The following RLF variants were observed in gnomAD, a reference collection of about 807,000 sequenced individuals.
RLF encodes the protein zinc finger protein Rlf.
Under a neutral mutation model 162.9 loss-of-function variants are expected in RLF, and 7 were observed. The ratio of observed to expected loss-of-function variants is 0.04; its 90% CI spans 0.02 to 0.08. The LOEUF (loss-of-function observed/expected upper bound fraction) is 0.08. RLF is among the 10% of genes least tolerant of loss of function. The pLI is 1.00. For synonymous variants in RLF, 782 were observed against 791.5 expected (o/e 0.99, Z 0.20); for missense variants, 1,664 against 2,244.7 (o/e 0.74, Z 5.23).
intron 6 of RLF, among the ~76,000 whole-genome samples, chr1:40,226,042 C>T (rs562490541): frequency 2.0e-4 from 31 of 152,022 alleles, no homozygotes; most frequent in Non-Finnish European, 3.5e-4. Context: ...CACAATGAGA[C>T]CCTGTCTCAA....
intron 1 of RLF, among the ~76,000 whole-genome samples, chr1:40,163,149 AG>A (rs1642119822): frequency 6.6e-6 from 1 of 152,234 alleles, no homozygotes; most frequent in African/African-American, 2.4e-5. Flanking sequence ...TATAAATTGT[AG>A]TATGTGCTTA....
chr1:40,215,479 G>A (rs1642914130), intron 5 of RLF, among the ~76,000 whole-genome samples: 1 of 151,940 alleles, frequency 6.6e-6, no homozygotes, highest in Non-Finnish European at 1.5e-5. Flanking sequence ...ATAGCAGAAG[G>A]AAATTTGGGA....
chr1:40,237,144 C>T lies in RLF; in HGVS notation c.2442C>T (p.Ser814=), dbSNP rs1643226507. ...TTGGCTGTAAAAAGTTCTATTACTC[C>T]AAAATTGAATACCAGAATCACCTCT... ...NFLGCKKFYY[S]KIEYQNHLSM... is the part of the protein sequence containing the mutation. Residue 814 remains serine (S), a synonymous_variant, in exon 8 of 8, where the codon TCC becomes TCT. Coordinates refer to ENST00000372771, the MANE Select transcript of RLF (RefSeq NM_012421.4). The surrounding 1 kb of genome is among the most constrained non-coding windows in gnomAD (Gnocchi z 4.4). 1 of 1,613,834 alleles carries T rather than the reference C, an allele frequency of 6.2e-7. No homozygotes were observed. The highest frequency in any genetic ancestry group is 1.7e-5 in the Admixed American group (1 of 59,990).
At chr1:40,198,965 TAGC>T (rs1642674896) in intron 4 of RLF, among the ~76,000 whole-genome samples, 1 of 152,260 alleles carries the variant, frequency 6.6e-6, no homozygotes, top group African/African-American at 2.4e-5. Flanking sequence ...AAAATTGATT[TAGC>T]AGCAGTTTAA....
rs189730504 is a variant in RLF, at chr1:40,180,524, C to T, written c.238-8531C>T. ...TGATCAACCTGCCTTGGCTTCCCAA[C>T]GTGCTGAGATTACAGGTGTGAGCCA... On this transcript the variant is annotated intron_variant, in intron 1 of 7. Coordinates refer to ENST00000372771, the MANE Select transcript of RLF (RefSeq NM_012421.4). 4.9e-3 allele frequency among the ~76,000 whole-genome samples: 747 copies of T among 152,090 alleles called. 5 individuals carry two copies. Among genetic ancestry groups the T allele is most frequent in the African/African-American group, 0.017 (698 of 41,496 alleles).
rs1285953116 is a variant in RLF at position 40,231,505 on chromosome 1, C to CT, written c.948-5dup. On this transcript the variant is annotated splice_polypyrimidine_tract_variant and intron_variant, in intron 6 of 7. Transcript: ENST00000372771. ...ACTTTAAATGTTTTACCATGATCTT[C>CT]TTTTTTTATAGGGAACTGACTCTTT... 5.6e-6 allele frequency: 9 copies of CT among 1,605,114 alleles called. No homozygotes were observed. The highest frequency in any genetic ancestry group is 2.2e-5 in the East Asian group (1 of 44,818).
At chr1:40,209,896 C>T (rs1012869303) in intron 5 of RLF, among the ~76,000 whole-genome samples, 1 of 147,966 alleles carries the variant, frequency 6.8e-6, no homozygotes, top group African/African-American at 2.5e-5. Context: ...AAAAAAAAGG[C>T]GATCATAAGA....
At position 40,239,923 on chromosome 1, in the gene RLF, A is replaced by G. The variant is rs376514110; in HGVS notation, c.5221A>G (p.Asn1741Asp). 18 of 1,613,514 alleles carry G rather than the reference A, an allele frequency of 1.1e-5. No homozygotes were observed. In the African/African-American group the frequency reaches 2.1e-4, roughly 19 times the overall value. Residue 1741 changes from asparagine to aspartate, a missense_variant, in exon 8 of 8, where the codon AAT (asparagine) becomes GAT (aspartate). Transcript: ENST00000372771. ...TTCAGGGCAAGAAAACACTGTAAAA[A>G]ATCCAACCCATGTCCCAAAAGAGAA... The part of the protein sequence containing the change: ...HSSGQENTVK[N>D]PTHVPKENFR...
At position 40,237,863 on chromosome 1, in the gene RLF, C is replaced by G; in HGVS notation, c.3161C>G (p.Pro1054Arg). ...SESSICASKR[P>R]CTEDTMLELL... ...TCCTCCATTTGTGCTTCTAAAAGGC[C>G]CTGTACAGAGGATACCATGTTGGAA... The change falls in exon 8 of 8, where the codon CCC becomes CGC. Residue 1054 changes from proline (P) to arginine (R), a missense_variant. Pro to Arg is a moderately radical substitution (Grantham distance 103, BLOSUM62 -2). This residue lies in a region of RLF where 295 missense variants were observed against 317.4 expected (regional missense o/e 0.93). Coordinates refer to ENST00000372771, the MANE Select transcript of RLF (RefSeq NM_012421.4). The surrounding 1 kb of genome is among the most constrained non-coding windows in gnomAD (Gnocchi z 4.4). 1 of 1,614,036 alleles carries G rather than the reference C, an allele frequency of 6.2e-7. No individual in the cohort carries two copies. Among genetic ancestry groups the G allele is most frequent in the East Asian group, 2.2e-5 (1 of 44,878 alleles).
intron 6 of RLF, among the ~76,000 whole-genome samples, chr1:40,227,645 C>T (rs1171588830): frequency 6.6e-6 from 1 of 152,136 alleles, no homozygotes; most frequent in Non-Finnish European, 1.5e-5. Flanking sequence ...AGTTAACATA[C>T]TTGGAGCCTG....
chr1:40,232,230 AG>A (rs1643161946), intron 7 of RLF, among the ~76,000 whole-genome samples: 1 of 151,758 alleles, frequency 6.6e-6, no homozygotes, highest in Admixed American at 6.6e-5. Flanking sequence ...AAAAAAAAAA[AG>A]AACATTTCAA....
At chr1:40,201,539 T>C (rs1642719939) in intron 4 of RLF, among the ~76,000 whole-genome samples, 1 of 144,542 alleles carries the variant, frequency 6.9e-6, no homozygotes, top group Admixed American at 7.3e-5. Context: ...GGCAGGAGAA[T>C]GGCGTGAACC....
intron 1 of RLF, among the ~76,000 whole-genome samples, chr1:40,169,256 C>G (rs1192924750): frequency 6.6e-6 from 1 of 152,040 alleles, no homozygotes; most frequent in Non-Finnish European, 1.5e-5. Flanking sequence ...ACTGTAGAGC[C>G]TATGTTCTTT....
At chr1:40,209,963 G>T (rs1570546905) in intron 5 of RLF, among the ~76,000 whole-genome samples, 1 of 152,024 alleles carries the variant, frequency 6.6e-6, no homozygotes, top group East Asian at 1.9e-4. Context: ...GTAGTGTAAG[G>T]AGATAGATTG....
At chr1:40,185,367 T>C (rs867654409) in intron 1 of RLF, among the ~76,000 whole-genome samples, 15 of 147,492 alleles carry the variant, frequency 1.0e-4, no homozygotes, top group Admixed American at 2.7e-4. Context: ...TGACCTCAAG[T>C]GATACACCTG....
At chr1:40,176,047 T>C in intron 1 of RLF, among the ~76,000 whole-genome samples, 1 of 152,208 alleles carries the variant, frequency 6.6e-6, no homozygotes. Context: ...TGTCTCTGTA[T>C]AATTATTGAA....
chr1:40,203,857 T>C (rs1642752880), intron 5 of RLF, among the ~76,000 whole-genome samples: 1 of 152,088 alleles, frequency 6.6e-6, no homozygotes, highest in African/African-American at 2.4e-5. Flanking sequence ...TACAATTGTC[T>C]ATCTTTCTAC....
At chr1:40,173,760 C>T (rs1263124112) in intron 1 of RLF, among the ~76,000 whole-genome samples, 1 of 152,098 alleles carries the variant, frequency 6.6e-6, no homozygotes, top group Non-Finnish European at 1.5e-5. Context: ...AGTGATCCGC[C>T]CACCTTGGCC....
chr1:40,171,030 G>GTTTT (rs34047207), intron 1 of RLF, among the ~76,000 whole-genome samples: 2,149 of 140,618 alleles, frequency 0.015, 26 homozygotes, highest in Non-Finnish European at 0.022. Flanking sequence ...TTGTTTGTTT[G>GTTTT]TTTGTTTTAA....
Sources: gnomAD v4.1 joint callset for allele counts (sites outside exome capture counted in the v4.1 genomes callset) on GRCh38, gnomAD v4.1.1 for gene constraint, gnomAD v4.1.1 regional missense constraint, Gnocchi (gnomAD v3.1) non-coding constraint, MANE v1.5 for transcripts, NCBI Gene and HGNC (gene_info 2026-07-23, HGNC 2026-07-21) for gene names.